Variants in IL17B observed in about 807,000 individuals in gnomAD.
The protein encoded by IL17B is interleukin-17B.
A neutral mutation model predicts 14.7 loss-of-function variants in IL17B; 14 were observed. That is an observed-to-expected ratio of 0.95 (90% confidence interval 0.63 to 1.49). The LOEUF is 1.49. IL17B is among the 40% of genes most tolerant of loss of function. The pLI is 0.00. For missense variants in IL17B, 233 were observed against 252.8 expected (o/e 0.92, Z 0.53); for synonymous variants, 105 against 94.8 (o/e 1.11, Z -0.62).
At chr5:149,403,066 CTGTTT>C (rs113008877) in intron 1 of IL17B, among the ~76,000 whole-genome samples, 65,162 of 141,694 alleles carry the variant, frequency 0.46, 15,105 homozygotes, top group Non-Finnish European at 0.51. Flanking sequence ...TTGTTTTGTT[CTGTTT>C]TGTTTTGTTT....
At chr5:149,390,821 T>C (rs1758933707) in intron 1 of IL17B, among the ~76,000 whole-genome samples, 1 of 151,948 alleles carries the variant, frequency 6.6e-6, no homozygotes, top group Non-Finnish European at 1.5e-5. Context: ...ATAATAGCTC[T>C]TTATAGAATT....
intron 1 of IL17B, among the ~76,000 whole-genome samples, chr5:149,397,776 T>C (rs917680391): frequency 6.6e-6 from 1 of 152,160 alleles, no homozygotes; most frequent in Non-Finnish European, 1.5e-5. Context: ...GCTGGTAGCA[T>C]GACTCAGGCA....
intron 1 of IL17B, among the ~76,000 whole-genome samples, chr5:149,390,961 G>T (rs1758938712): frequency 6.6e-6 from 1 of 151,920 alleles, no homozygotes; most frequent in Non-Finnish European, 1.5e-5. Flanking sequence ...TTTTTGTGGG[G>T]AGTTTTTCCT....
chr5:149,387,747 G>C (rs1365667754), intron 1 of IL17B, among the ~76,000 whole-genome samples: 1 of 137,484 alleles, frequency 7.3e-6, no homozygotes, highest in Non-Finnish European at 1.5e-5. Flanking sequence ...CAGCACTCCA[G>C]CCTGGGTGAC....
At chr5:149,376,703 C>A (rs753028190) in intron 2 of IL17B, 33 bp downstream of exon 2, 18 of 1,572,110 alleles carry the variant, frequency 1.1e-5, no homozygotes, top group Middle Eastern at 1.7e-4. Flanking sequence ...TCCCCACCCC[C>A]CAAAGACAGC....
Position 149,377,044 on chromosome 5 carries a change from G to C in IL17B, c.22-19C>G, listed in dbSNP as rs1484648131. Reference sequence around the variant, plus strand: ...GAAACAGCTGGGGAGGAAAGCCACAGGTCAAAGGTGGGAGAGCCAAGTCTC... The same window carrying C: ...GAAACAGCTGGGGAGGAAAGCCACACGTCAAAGGTGGGAGAGCCAAGTCTC... On this transcript the variant is annotated intron_variant, in intron 1 of 2. Transcript: ENST00000261796. 1 of 1,525,258 alleles carries C rather than the reference G, an allele frequency of 6.6e-7. No homozygotes were observed. Among genetic ancestry groups the C allele is most frequent in the African/African-American group, 1.4e-5 (1 of 71,918 alleles). The allele number at this position is 1,525,258 out of a possible 1,614,324, so 94.5% of individuals were successfully genotyped here.
At chr5:149,391,646 C>G (rs1430234704) in intron 1 of IL17B, among the ~76,000 whole-genome samples, 1 of 152,216 alleles carries the variant, frequency 6.6e-6, no homozygotes, top group African/African-American at 2.4e-5. Context: ...CTAAGCACCT[C>G]TCCTTCATCT....
intron 1 of IL17B, among the ~76,000 whole-genome samples, chr5:149,390,506 C>A (rs1758921629): frequency 7.0e-6 from 1 of 142,674 alleles, no homozygotes; most frequent in African/African-American, 2.5e-5. Flanking sequence ...AGCCTGGGCC[C>A]CCACCACTTA....
intron 1 of IL17B, among the ~76,000 whole-genome samples, chr5:149,403,586 A>G (rs916083972): frequency 6.6e-6 from 1 of 152,208 alleles, no homozygotes; most frequent in Non-Finnish European, 1.5e-5. Context: ...CCTTTTCAAT[A>G]TAAAATTGTT....
At chr5:149,381,838 C>CA (rs1169718569), upstream of IL17B, among the ~76,000 whole-genome samples, 2 of 152,230 alleles carry the variant, frequency 1.3e-5, no homozygotes, top group African/African-American at 4.8e-5. Flanking sequence ...CCCCAGGACT[C>CA]AGTGCCAGGC....
In IL17B at chr5:149,403,066, C is replaced by CTGTTTTGTTT. The variant is rs113008877; in HGVS notation, n.95+1032_95+1041dup. Among the ~76,000 whole-genome samples the CTGTTTTGTTT allele has an allele frequency of 2.2e-3, 309 of 142,052 alleles. 2 individuals are homozygous for CTGTTTTGTTT. Among genetic ancestry groups the CTGTTTTGTTT allele is most frequent in the African/African-American group, 7.5e-3 (289 of 38,418 alleles). 93.2% of individuals were successfully genotyped at this position (142,052 alleles called of 152,430 possible). On this transcript the variant is annotated intron_variant and non_coding_transcript_variant, in intron 1 of 2. Coordinates refer to the IL17B transcript ENST00000505432. ...TAGACAGTTTTTTGTTTGTTTTGTT[C>CTGTTTTGTTT]TGTTTTGTTTTGTTTTGTTTTGTTT...
chr5:149,376,849 G>A lies in IL17B; in HGVS notation c.198C>T (p.Ile66=), dbSNP rs745994784. The A allele has an allele frequency of 7.4e-6, 12 of 1,613,972 alleles. No individual in the cohort carries two copies. The highest frequency in any genetic ancestry group is 1.3e-5 in the African/African-American group (1 of 74,914). ...TCCTCAGCTGGGCCACCATCTCCTC[G>A]ATGTTCCTCTCATACTCCTCCATGC... ...YARMEEYERN[I]EEMVAQLRNS... Residue 66 remains isoleucine, a synonymous_variant, in exon 2 of 3, where the codon ATC becomes ATT. Transcript: ENST00000261796.
At chr5:149,382,331 G>T (rs1758720916), upstream of IL17B, among the ~76,000 whole-genome samples, 1 of 152,194 alleles carries the variant, frequency 6.6e-6, no homozygotes, top group Admixed American at 6.5e-5. Flanking sequence ...CCAGGGGTCG[G>T]GTGAGGGCTT....
At chr5:149,382,866 C>A (rs1296358161), upstream of IL17B, among the ~76,000 whole-genome samples, 1 of 152,264 alleles carries the variant, frequency 6.6e-6, no homozygotes, top group African/African-American at 2.4e-5. Context: ...GGGCACCCAA[C>A]AGCATTCCTG....
At chr5:149,382,191 T>C (rs1758716002), upstream of IL17B, among the ~76,000 whole-genome samples, 1 of 152,188 alleles carries the variant, frequency 6.6e-6, no homozygotes, top group Admixed American at 6.5e-5. Context: ...GGTGGGGCCC[T>C]GCGCCTGTGC....
intron 1 of IL17B, among the ~76,000 whole-genome samples, chr5:149,378,644 C>A (rs1758608038): frequency 6.6e-6 from 1 of 152,370 alleles, no homozygotes; most frequent in African/African-American, 2.4e-5. Flanking sequence ...AGCAGAGCCC[C>A]TCTTGGCAGA....
At chr5:149,389,371 A>T (rs892969284) in intron 1 of IL17B, among the ~76,000 whole-genome samples, 4 of 152,258 alleles carry the variant, frequency 2.6e-5, no homozygotes, top group African/African-American at 9.6e-5. Flanking sequence ...TTTGCTTGAT[A>T]TAAAACTCAA....
intron 1 of IL17B, among the ~76,000 whole-genome samples, chr5:149,386,185 T>C (rs1026626776): frequency 6.6e-6 from 1 of 152,210 alleles, no homozygotes; most frequent in African/African-American, 2.4e-5. Context: ...CTTGTATGTG[T>C]GTGTTTTGTT....
At chr5:149,383,040 T>C (rs1758739223), upstream of IL17B, among the ~76,000 whole-genome samples, 1 of 152,236 alleles carries the variant, frequency 6.6e-6, no homozygotes, top group Non-Finnish European at 1.5e-5. Flanking sequence ...GTTTCAGCCC[T>C]GCCCCTGCCC....
Sources: gnomAD v4.1 joint callset for allele counts (sites outside exome capture counted in the v4.1 genomes callset) on GRCh38, gnomAD v4.1.1 for gene constraint, MANE v1.5 for transcripts, NCBI Gene and HGNC (gene_info 2026-07-23, HGNC 2026-07-21) for gene names.